Variants in TSC22D2 observed in about 807,000 individuals in gnomAD.
The protein encoded by TSC22D2 is TSC22 domain family member 2.
TSC22D2 carries 5 observed loss-of-function variants against 50.1 expected under a neutral mutation model. That is an observed-to-expected ratio of 0.10 (90% confidence interval 0.05 to 0.21). The LOEUF is 0.21. Among genes scored for constraint, TSC22D2 ranks in the 10% least tolerant of loss-of-function variants. The pLI, the probability that TSC22D2 is intolerant of heterozygous loss-of-function variation, is 1.00. For missense variants in TSC22D2, 1,003 were observed against 1,015.5 expected (o/e 0.99, Z 0.17); for synonymous variants, 501 against 450.1 (o/e 1.11, Z -1.43).
At chr3:150,425,547 G>A (rs1338580599) in intron 1 of TSC22D2, among the ~76,000 whole-genome samples, 1 of 152,086 alleles carries the variant, frequency 6.6e-6, no homozygotes, top group African/African-American at 2.4e-5. Flanking sequence ...AAGTTTAAGG[G>A]ACTGCAAGTC....
chr3:150,436,361 GGGTCAAGCAGTCGGCCCTTTAACAAAA>G (rs958896127), intron 1 of TSC22D2, among the ~76,000 whole-genome samples: 49 of 151,906 alleles, frequency 3.2e-4, no homozygotes, highest in East Asian at 3.1e-3. Context: ...CTTTAACAAA[GGGTCAAGCAGTCGGCCCTTTAACAAAA>G]GGTCAAGCAG....
chr3:150,457,763 G>A (rs1471977235), intron 2 of TSC22D2, among the ~76,000 whole-genome samples: 1 of 152,130 alleles, frequency 6.6e-6, no homozygotes, highest in Non-Finnish European at 1.5e-5. Flanking sequence ...AGTCTCCTGA[G>A]TAGTTGGGAG....
chr3:150,420,989 G>A (rs1248108667), intron 1 of TSC22D2, among the ~76,000 whole-genome samples: 2 of 152,138 alleles, frequency 1.3e-5, no homozygotes, highest in Non-Finnish European at 2.9e-5. Flanking sequence ...AGGCTGAGGC[G>A]GGAGGATCAT....
At chr3:150,417,171 C>G (rs567021216) in intron 1 of TSC22D2, among the ~76,000 whole-genome samples, 1 of 152,064 alleles carries the variant, frequency 6.6e-6, no homozygotes, top group South Asian at 2.1e-4. Context: ...AAGAATATTG[C>G]TTTGTAGAAG....
intron 1 of TSC22D2, among the ~76,000 whole-genome samples, chr3:150,440,211 T>C (rs1720673489): frequency 6.6e-6 from 1 of 152,154 alleles, no homozygotes; most frequent in Admixed American, 6.5e-5. Context: ...TGGTATCCTC[T>C]GAAAATTTGA....
intron 1 of TSC22D2, among the ~76,000 whole-genome samples, chr3:150,425,671 AG>A (rs1220614488): frequency 6.6e-6 from 1 of 152,200 alleles, no homozygotes; most frequent in Non-Finnish European, 1.5e-5. Context: ...CATTTTCAGT[AG>A]GGGCAGCTTT....
At chr3:150,412,594 A>G (rs1001061443) in intron 1 of TSC22D2, among the ~76,000 whole-genome samples, 11 of 152,142 alleles carry the variant, frequency 7.2e-5, no homozygotes, top group African/African-American at 2.7e-4. Context: ...TGTAATTTAA[A>G]GTTCATCTTT....
intron 2 of TSC22D2, among the ~76,000 whole-genome samples, chr3:150,457,940 C>G (rs1576560911): frequency 6.6e-6 from 1 of 152,118 alleles, no homozygotes; most frequent in African/African-American, 2.4e-5. Context: ...GACTGTTAGT[C>G]TCAAACTATT....
chr3:150,448,470 GACCCCATCTCTATAAAAACA>G (rs1720948445), intron 1 of TSC22D2, among the ~76,000 whole-genome samples: 1 of 152,042 alleles, frequency 6.6e-6, no homozygotes, highest in South Asian at 2.1e-4. Flanking sequence ...GGCATCACAA[GACCCCATCTCTATAAAAACA>G]ACAACTAGCT....
intron 1 of TSC22D2, among the ~76,000 whole-genome samples, chr3:150,449,993 A>G (rs1001641377): frequency 1.3e-5 from 2 of 152,010 alleles, no homozygotes; most frequent in Admixed American, 1.3e-4. Context: ...AAAAAATTAG[A>G]CATGCAGTTA....
chr3:150,454,841 C>A (rs1264624459), intron 1 of TSC22D2, among the ~76,000 whole-genome samples: 1 of 152,098 alleles, frequency 6.6e-6, no homozygotes, highest in Non-Finnish European at 1.5e-5. Flanking sequence ...AAACCTGTTT[C>A]TTCTGTTGTC....
At chr3:150,441,802 A>C (rs1720725362) in intron 1 of TSC22D2, among the ~76,000 whole-genome samples, 1 of 152,162 alleles carries the variant, frequency 6.6e-6, no homozygotes. Context: ...CTGTCTTCTT[A>C]CATTCTTCAT....
intron 1 of TSC22D2, among the ~76,000 whole-genome samples, chr3:150,454,738 ACT>A (rs1721137068): frequency 6.6e-6 from 1 of 152,212 alleles, no homozygotes. Context: ...TATATTTGAC[ACT>A]GATTTATTCT....
At chr3:150,426,261 G>C (rs958543436) in intron 1 of TSC22D2, among the ~76,000 whole-genome samples, 1 of 134,236 alleles carries the variant, frequency 7.4e-6, no homozygotes, top group East Asian at 2.1e-4. Flanking sequence ...TACTATGGAG[G>C]AGTTAATTTT....
At chr3:150,426,420 T>C (rs750749629) in intron 1 of TSC22D2, among the ~76,000 whole-genome samples, 41 of 152,194 alleles carry the variant, frequency 2.7e-4, no homozygotes, top group African/African-American at 8.7e-4. Flanking sequence ...TGATGATCAC[T>C]GGGGAGCGGC....
intron 1 of TSC22D2, among the ~76,000 whole-genome samples, chr3:150,449,032 G>A (rs1720964542): frequency 1.3e-5 from 2 of 151,970 alleles, no homozygotes; most frequent in South Asian, 2.1e-4. Context: ...GCTGTACTGG[G>A]AGCTATAAAC....
rs1721460737 is a variant in TSC22D2, at chr3:150,462,973, G to A, written c.*4337G>A. ...CTTGTCCCTCCAAAAAAAGATTAAA[G>A]AGTCCCAACTCATACTTGAAAGTTT... On this transcript the variant is annotated 3_prime_UTR_variant, in exon 3 of 3. Transcript: ENST00000688009. 1 of 152,174 alleles carries A rather than the reference G, an allele frequency of 6.6e-6. No homozygotes were observed. Among genetic ancestry groups the A allele is most frequent in the Admixed American group, 6.6e-5 (1 of 15,264 alleles). The allele number at this position is 152,174 out of a possible 1,614,324, so 9.4% of individuals were successfully genotyped here. A position where few individuals can be genotyped will look rare whatever the true frequency, so the allele number is the denominator to read the frequency against.
chr3:150,442,206 C>T (rs914495974), intron 1 of TSC22D2, among the ~76,000 whole-genome samples: 1 of 98,142 alleles, frequency 1.0e-5, no homozygotes, highest in Non-Finnish European at 2.5e-5. Flanking sequence ...CTTTCCTGAT[C>T]CAAGAGCTAT....
At position 150,460,934 on chromosome 3, in the gene TSC22D2, G is replaced by GGAGAA. The variant is rs1368162690; in HGVS notation, c.*2298_*2299insGAGAA. 9.2e-5 allele frequency: 14 copies of GGAGAA among 152,166 alleles called. No individual in the cohort carries two copies. Among genetic ancestry groups the GGAGAA allele is most frequent in the Admixed American group, 3.9e-4 (6 of 15,280 alleles). The allele number at this position is 152,166 out of a possible 1,614,324, so 9.4% of individuals were successfully genotyped here. A position where few individuals can be genotyped will look rare whatever the true frequency, so the allele number is the denominator to read the frequency against. On this transcript the variant is annotated 3_prime_UTR_variant, in exon 3 of 3. Transcript: ENST00000688009. ...TACTACTTTTATATTAAGAAAAACA[G>GGAGAA]TAGAAAAGGAGAGAAAATATGGGTA...
Sources: gnomAD v4.1 joint callset for allele counts (sites outside exome capture counted in the v4.1 genomes callset) on GRCh38, gnomAD v4.1.1 for gene constraint, MANE v1.5 for transcripts, NCBI Gene and HGNC (gene_info 2026-07-23, HGNC 2026-07-21) for gene names.